ZNF337: variants seen among roughly 807,000 people sequenced by gnomAD.
ZNF337 encodes the protein zinc finger protein 337.
Under a neutral mutation model 12.1 loss-of-function variants are expected in ZNF337, and 8 were observed. The observed-to-expected ratio is 0.66, with a 90% CI of 0.39 to 1.19. The LOEUF is 1.19. ZNF337 is among the 50% of genes most tolerant of loss of function. ZNF337 has a pLI of 0.01. For missense variants in ZNF337, 882 were observed against 896.6 expected (o/e 0.98, Z 0.21); for synonymous variants, 336 against 320.0 (o/e 1.05, Z -0.53).
At position 25,675,603 on chromosome 20, in the gene ZNF337, T is replaced by A; in HGVS notation, c.1685A>T (p.His562Leu). The change falls in exon 5 of 5, where the codon CAT becomes CTT. Residue 562 changes from histidine to leucine, a missense_variant. His to Leu is a moderately conservative substitution (Grantham distance 99, BLOSUM62 -3). Transcript: ENST00000252979. ...SFSLKANLLR[H>L]QWTHSGERPF... The stretch of plus-strand genomic sequence containing the variant: ...CCTTTCCCCCGAGTGTGTCCACTGA[T>A]GTCTAAGAAGATTTGCCTTCAAACT... 6.2e-7 allele frequency: 1 copy of A among 1,614,110 alleles called. No individual in the cohort carries two copies. The highest frequency in any genetic ancestry group is 8.5e-7 in the Non-Finnish European group (1 of 1,180,004).
rs1438889820 is a variant in ZNF337, at chr20:25,676,507, C to G, written c.781G>C (p.Glu261Gln). Reference sequence around the variant, plus strand: ...CACACCTTGCACAGAAAAGGCTTCTCTCCTGAGTGTGTCCTCTGGTGTCTG... The same window carrying G: ...CACACCTTGCACAGAAAAGGCTTCTGTCCTGAGTGTGTCCTCTGGTGTCTG... ...LLRHQRTHSG[E>Q]KPFLCKVCGR... Residue 261 changes from glutamate to glutamine, a missense_variant, in exon 5 of 5, where the codon GAG becomes CAG. Coordinates refer to ENST00000252979, the MANE Select transcript of ZNF337 (RefSeq NM_015655.4). The G allele has an allele frequency of 1.9e-6, 3 of 1,614,014 alleles. No individual in the cohort carries two copies. The highest frequency in any genetic ancestry group is 2.7e-5 in the African/African-American group (2 of 74,906).
intron 1 of ZNF337, among the ~76,000 whole-genome samples, chr20:25,692,884 A>G (rs2066076900): frequency 6.6e-6 from 1 of 152,220 alleles, no homozygotes. Flanking sequence ...GGGAGATGAA[A>G]AATGTTCATA....
rs1230983852 is a variant in ZNF337 at position 25,685,441 on chromosome 20, GC to G, written c.250+125del. 8 of 720,446 alleles carry G rather than the reference GC, an allele frequency of 1.1e-5. No homozygotes were observed. The Admixed American group carries it at 1.7e-4, about 15-fold the overall frequency. 44.6% of individuals were successfully genotyped at this position (720,446 alleles called of 1,614,324 possible). A position where few individuals can be genotyped will look rare whatever the true frequency, so the allele number is the denominator to read the frequency against. ...CAGCAAGGACTGGAAGGAAGGCAGG[GC>G]CAGGTGGTCTGAAGAGCAGCCAAGG... On this transcript the variant is annotated intron_variant, in intron 4 of 4. Transcript: ENST00000252979.
chr20:25,677,241 C>T (rs913074165), intron 4 of ZNF337: 1 of 521,828 alleles, frequency 1.9e-6, no homozygotes, highest in South Asian at 3.3e-5. Flanking sequence ...CAGCATTATC[C>T]TGATACCAAA....
chr20:25,688,452 G>A (rs1446415224), intron 1 of ZNF337, among the ~76,000 whole-genome samples: 1 of 152,070 alleles, frequency 6.6e-6, no homozygotes, highest in Admixed American at 6.5e-5. Flanking sequence ...AGTTATTCTA[G>A]GATAATGCTA....
intron 2 of ZNF337, 38 bp from the exon 3 acceptor site, chr20:25,686,160 T>C (rs2065831305): frequency 6.2e-7 from 1 of 1,611,892 alleles, no homozygotes; most frequent in African/African-American, 1.3e-5. Flanking sequence ...CCAGGGACAG[T>C]GTTGCACTCA....
At position 25,677,648 on chromosome 20, in the gene ZNF337, C is replaced by G. The variant is rs1001302120; in HGVS notation, c.251-611G>C. 9.2e-5 allele frequency: 14 copies of G among 152,306 alleles called. 1 individual carries two copies. The South Asian group carries it at 2.9e-3, about 31-fold the overall frequency. 9.4% of individuals were successfully genotyped at this position (152,306 alleles called of 1,614,324 possible). A position where few individuals can be genotyped will look rare whatever the true frequency, so the allele number is the denominator to read the frequency against. On this transcript the variant is annotated intron_variant, in intron 4 of 4. Coordinates refer to ENST00000252979, the MANE Select transcript of ZNF337 (RefSeq NM_015655.4). ...TCCCAGGCTTACACGATCCTCCCAC[C>G]TCAACTTTCCAAATAGCTAGACTAC... is the stretch of plus-strand genomic sequence containing the variant.
At chr20:25,688,944 C>T (rs571618936) in intron 1 of ZNF337, among the ~76,000 whole-genome samples, 12 of 152,170 alleles carry the variant, frequency 7.9e-5, no homozygotes, top group African/African-American at 2.9e-4. Flanking sequence ...TCCTGGCTAA[C>T]ACCGTGAAAC....
In ZNF337 at chr20:25,675,779, A is replaced by G; in HGVS notation, c.1509T>C (p.Tyr503=). Reference sequence around the variant, plus strand: ...CCAAGTGTGCCCTCAGGTGCTTGTTATAGGAGGACTTATCCCGAAACCTTC... The same window carrying G: ...CCAAGTGTGCCCTCAGGTGCTTGTTGTAGGAGGACTTATCCCGAAACCTTC... ...CGRRFRDKSS[Y]NKHLRAHLGE... is the part of the protein sequence containing the mutation. The change falls in exon 5 of 5, where the codon TAT becomes TAC. Residue 503 remains tyrosine (Y), a synonymous_variant. Transcript: ENST00000252979. 1.2e-6 allele frequency: 2 copies of G among 1,613,638 alleles called. No individual in the cohort carries two copies. Among genetic ancestry groups the G allele is most frequent in the Middle Eastern group, 1.6e-4 (1 of 6,082 alleles).
chr20:25,676,325 C>T lies in ZNF337; in HGVS notation c.963G>A (p.Val321=). The T allele has an allele frequency of 6.2e-7, 1 of 1,613,968 alleles. No homozygotes were observed. Among genetic ancestry groups the T allele is most frequent in the Non-Finnish European group, 8.5e-7 (1 of 1,179,974 alleles). Residue 321 remains valine (V), a synonymous_variant, in exon 5 of 5, where the codon GTG becomes GTA. Coordinates refer to ENST00000252979, the MANE Select transcript of ZNF337 (RefSeq NM_015655.4). Reference sequence around the variant, plus strand: ...TATAGCCTCGCCCACACTCCTTGCACACAAAAGGCTTCTCCCCTGAATGCG... The same window carrying T: ...TATAGCCTCGCCCACACTCCTTGCATACAAAAGGCTTCTCCCCTGAATGCG... ...LKAHSGEKPF[V]CKECGRGYTN...
In ZNF337 at chr20:25,686,401, G is replaced by C. The variant is rs200266867; in HGVS notation, c.17C>G (p.Ala6Gly). 6.2e-7 allele frequency: 1 copy of C among 1,613,930 alleles called. No individual in the cohort carries two copies. The highest frequency in any genetic ancestry group is 8.5e-7 in the Non-Finnish European group (1 of 1,179,854). Residue 6 changes from alanine to glycine, a missense_variant, in exon 2 of 5, where the codon GCC (alanine) becomes GGC (glycine). Physicochemically the swap from Ala to Gly is moderately conservative, Grantham distance 60 (BLOSUM62 0). Transcript: ENST00000252979. ...TCTGGGAAGTCTCACCTGTCTCCTG[G>C]CTCCCTGAGGTCCCATGACTGTCTT... MGPQG[A>G]RRQAFLAFGD...
rs1348475322 is a variant in ZNF337 at position 25,675,101 on chromosome 20, A to G, written c.2187T>C (p.Ser729=). ...CACGTAAGTGTCTCTTTAAGTGCTT[A>G]CTGTAGTATGACTTATTGCTAAACT... ...GRKFSNKSYY[S]KHLKRHLREK... is the part of the protein sequence containing the mutation. The change falls in exon 5 of 5, where the codon AGT becomes AGC. Residue 729 remains serine (S), a synonymous_variant. Coordinates refer to ENST00000252979, the MANE Select transcript of ZNF337 (RefSeq NM_015655.4). The G allele has an allele frequency of 6.2e-7, 1 of 1,613,836 alleles. No homozygotes were observed. The highest frequency in any genetic ancestry group is 8.5e-7 in the Non-Finnish European group (1 of 1,180,002).
rs528302346 is a variant in ZNF337 at position 25,673,291 on chromosome 20, G to C, written c.*1741C>G. Among the ~76,000 whole-genome samples the C allele has an allele frequency of 2.6e-4, 39 of 152,330 alleles. No individual in the cohort carries two copies. The highest frequency in any genetic ancestry group is 4.7e-4 in the Non-Finnish European group (32 of 68,028). Reference sequence around the variant, plus strand: ...CAAAATGAGTATGAGGAAAGTTATGGAAGTTGAAGGGCAAGCATCACAAAT... The same window carrying C: ...CAAAATGAGTATGAGGAAAGTTATGCAAGTTGAAGGGCAAGCATCACAAAT... On this transcript the variant is annotated 3_prime_UTR_variant, in exon 5 of 5. Coordinates refer to ENST00000252979, the MANE Select transcript of ZNF337 (RefSeq NM_015655.4).
At chr20:25,677,267 A>T (rs2065711521) in intron 4 of ZNF337, 1 of 447,120 alleles carries the variant, frequency 2.2e-6, no homozygotes, top group South Asian at 5.2e-5. Flanking sequence ...ACAAGGACAC[A>T]GCAAAAACAG....
rs1200815586 is a variant in ZNF337 at position 25,673,796 on chromosome 20, C to G, written c.*1236G>C. The G allele has an allele frequency of 6.6e-6, 1 of 152,212 alleles. No individual in the cohort carries two copies. Among genetic ancestry groups the G allele is most frequent in the Non-Finnish European group, 1.5e-5 (1 of 68,042 alleles). The allele number at this position is 152,212 out of a possible 1,614,324, so 9.4% of individuals were successfully genotyped here. On this transcript the variant is annotated 3_prime_UTR_variant, in exon 5 of 5. Transcript: ENST00000252979. ...AATGAAGTCTTCAATTTCTCAAGGT[C>G]CTTCTGCAGGTGGTAATGCAGATCG...
chr20:25,689,917 T>C (rs1293061394), intron 1 of ZNF337, among the ~76,000 whole-genome samples: 1 of 152,224 alleles, frequency 6.6e-6, no homozygotes, highest in Non-Finnish European at 1.5e-5. Context: ...TTATAGGAGC[T>C]AACTTCATTT....
At chr20:25,685,207 A>G (rs190163006) in intron 4 of ZNF337, among the ~76,000 whole-genome samples, 6 of 152,122 alleles carry the variant, frequency 3.9e-5, no homozygotes, top group African/African-American at 1.4e-4. Context: ...AAAAATAATT[A>G]AAAAACAAAA....
At position 25,676,206 on chromosome 20, in the gene ZNF337, G is replaced by C. The variant is rs2065685231; in HGVS notation, c.1082C>G (p.Ser361Ter). The change falls in exon 5 of 5, where the codon TCA becomes TGA. Residue 361 changes from serine to a stop codon, truncating the protein, a stop_gained. Transcript: ENST00000252979. LOFTEE classifies it low-confidence loss of function (END_TRUNC). Reference protein sequence around the residue: ...QECGRGFSNKSHLITHQRTHS... With the variant: ...QECGRGFSNK ...TGTCCTCTGGTGTGTGATAAGGTGT[G>C]ACTTATTGCTAAAGCCTCGGCCACA... is the stretch of plus-strand genomic sequence containing the variant. The C allele has an allele frequency of 1.2e-6, 2 of 1,614,178 alleles. No homozygotes were observed. Among genetic ancestry groups the C allele is most frequent in the Non-Finnish European group, 1.7e-6 (2 of 1,180,038 alleles).
rs369015763 is a variant in ZNF337 at position 25,676,829 on chromosome 20, C to A, written c.459G>T (p.Glu153Asp). ...SRRRNSVVEI[E>D]SSQGQRENPT... The stretch of plus-strand genomic sequence containing the variant: ...GATTTTCCCTCTGGCCTTGACTAGA[C>A]TCTATTTCCACTACACTGTTCCTCC... The change falls in exon 5 of 5, where the codon GAG (glutamate) becomes GAT (aspartate). Residue 153 changes from glutamate (E) to aspartate (D), a missense_variant. Glu to Asp is a conservative substitution (Grantham distance 45). Transcript: ENST00000252979. The A allele has an allele frequency of 9.2e-5, 149 of 1,614,056 alleles. No homozygotes were observed. Among genetic ancestry groups the A allele is most frequent in the Non-Finnish European group, 1.2e-4 (145 of 1,180,032 alleles).
Sources: allele counts gnomAD v4.1 joint callset (sites outside exome capture counted in the v4.1 genomes callset), GRCh38; gene constraint gnomAD v4.1.1; transcripts MANE v1.5; gene names NCBI Gene and HGNC (gene_info 2026-07-23, HGNC 2026-07-21).